CCDC92B: variants seen among roughly 807,000 people sequenced by gnomAD.
CCDC92B encodes coiled-coil domain-containing 92B.
In CCDC92B, 2 loss-of-function variants were observed where a neutral mutation model predicts 5.6. The observed-to-expected ratio is 0.36, with a 90% CI of 0.15 to 1.12. The LOEUF (loss-of-function observed/expected upper bound fraction) is 1.12, where lower values mean the gene tolerates loss of function less well. Ranked by LOEUF, CCDC92B falls within the 50% of genes most tolerant of loss-of-function variation. CCDC92B has a pLI of 0.40. For synonymous variants in CCDC92B, 115 were observed against 122.3 expected, an observed-to-expected ratio of 0.94 and a Z score of 0.39; for missense variants, 271 against 262.2, an observed-to-expected ratio of 1.03 and a Z score of -0.23.
chr17:2,748,524 G>A, intron 1 of CCDC92B: 2 of 980,186 alleles, frequency 2.0e-6, no homozygotes, highest in Non-Finnish European at 1.2e-6. Context: ...GTGTGTGTGT[G>A]TGTGTGTGTG....
At position 2,724,837 on chromosome 17, in the gene CCDC92B, C is replaced by T. The variant is rs1251916802; in HGVS notation, c.342G>A (p.Glu114=). 2 of 985,090 alleles carry T rather than the reference C, an allele frequency of 2.0e-6. No homozygotes were observed. The highest frequency in any genetic ancestry group is 4.7e-5 in the South Asian group (1 of 21,292). The allele number at this position is 985,090 out of a possible 1,614,324, so 61.0% of individuals were successfully genotyped here. A position where few individuals can be genotyped will look rare whatever the true frequency, so the allele number is the denominator to read the frequency against. Residue 114 remains glutamate, a synonymous_variant, in exon 4 of 4, where the codon GAG becomes GAA. Coordinates refer to ENST00000614400, the MANE Select transcript of CCDC92B (RefSeq NM_001355573.2). This position sits in a 1 kb window ranked among gnomAD's most constrained non-coding sequence, Gnocchi z 5.0. ...CGCGGTGGCTGCGGCGGCGCAGCTC[C>T]TCCAGGAAGCGGCGCTCCTCGGTGC... is the stretch of plus-strand genomic sequence containing the variant. ...SLRTEERRFL[E]ELRRRSHRAT...
rs2286515 is a variant in CCDC92B at position 2,721,613 on chromosome 17, G to A, written c.*2798C>T. 11,397 of 152,298 alleles carry A rather than the reference G, an allele frequency of 0.075. 603 individuals carry two copies. The highest frequency in any genetic ancestry group is 0.31 in the East Asian group (1,589 of 5,158). 9.4% of individuals were successfully genotyped at this position (152,298 alleles called of 1,614,324 possible). A position where few individuals can be genotyped will look rare whatever the true frequency, so the allele number is the denominator to read the frequency against. On this transcript the variant is annotated 3_prime_UTR_variant, in exon 4 of 4. Transcript: ENST00000614400. ...CGTTCTGCTGCACAGAGGGTTCTGT[G>A]CAGGCGGGTGGAGGGGTTTCCATTA...
Position 2,735,003 on chromosome 17 carries a change from C to G in CCDC92B, c.130+13G>C, listed in dbSNP as rs578035761. Reference sequence around the variant, plus strand: ...CCTCTCCCCACCCGTCCAGCCGCCTCTCCTGGCCTCACCTGAGCAGCGTTT... The same window carrying G: ...CCTCTCCCCACCCGTCCAGCCGCCTGTCCTGGCCTCACCTGAGCAGCGTTT... On this transcript the variant is annotated intron_variant, in intron 2 of 3. Coordinates refer to ENST00000614400, the MANE Select transcript of CCDC92B (RefSeq NM_001355573.2). The G allele has an allele frequency of 2.0e-6, 2 of 985,590 alleles. No homozygotes were observed. The highest frequency in any genetic ancestry group is 2.3e-4 in the East Asian group (2 of 8,818). The allele number at this position is 985,590 out of a possible 1,614,324, so 61.1% of individuals were successfully genotyped here.
At chr17:2,733,744 CTTTTTTTTTTTTTTT>C (rs386385447) in intron 2 of CCDC92B, among the ~76,000 whole-genome samples, 8 of 49,326 alleles carry the variant, frequency 1.6e-4, no homozygotes, top group South Asian at 1.2e-3. Flanking sequence ...GGACCACTGG[CTTTTTTTTTTTTTTT>C]TTTTTTTTTT....
At chr17:2,745,084 A>AG (rs2070970220) in intron 1 of CCDC92B, among the ~76,000 whole-genome samples, 1 of 150,548 alleles carries the variant, frequency 6.6e-6, no homozygotes, top group Non-Finnish European at 1.5e-5. Flanking sequence ...AAAAAAAAAA[A>AG]AAAAAAGATA....
At chr17:2,732,276 G>A (rs1371432967) in intron 2 of CCDC92B, among the ~76,000 whole-genome samples, 3 of 151,994 alleles carry the variant, frequency 2.0e-5, no homozygotes, top group Non-Finnish European at 2.9e-5. Context: ...TCTCCCAACC[G>A]CCTCCCAGCT....
intron 3 of CCDC92B, 137 bp from the exon 4 acceptor site, chr17:2,725,137 C>T: frequency 1.0e-6 from 1 of 982,652 alleles, no homozygotes; most frequent in Non-Finnish European, 1.2e-6. Context: ...CTTTGGGAGG[C>T]CGAGATGGGC....
Position 2,724,531 on chromosome 17 carries a change from T to A in CCDC92B, c.648A>T (p.Ala216=), listed in dbSNP as rs1301426010. 32 of 981,652 alleles carry A rather than the reference T, an allele frequency of 3.3e-5. No homozygotes were observed. Among genetic ancestry groups the A allele is most frequent in the Non-Finnish European group, 3.7e-5 (31 of 828,626 alleles). 60.8% of individuals were successfully genotyped at this position (981,652 alleles called of 1,614,324 possible). ...PMPDPALFLY[A]RRPLRPSARS... ...GGGCGCTGGGCCGCAGCGGCCTGCG[T>A]GCATAGAGGAAGAGCGCGGGGTCGG... Residue 216 remains alanine, a synonymous_variant, in exon 4 of 4, where the codon GCA becomes GCT. Transcript: ENST00000614400. The surrounding 1 kb of genome is among the most constrained non-coding windows in gnomAD (Gnocchi z 5.0).
chr17:2,725,822 C>G (rs1428617931), intron 3 of CCDC92B, among the ~76,000 whole-genome samples: 1 of 151,626 alleles, frequency 6.6e-6, no homozygotes, highest in Admixed American at 6.6e-5. Context: ...GAGCTAAGAT[C>G]TGAAGGATAA....
chr17:2,724,263 G>C lies in CCDC92B; in HGVS notation c.*148C>G. ...GGGAAGTACAAAAGGCTGGCGGTTC[G>C]GGGATTTGGGGGGAGCCGGGGCCGC... On this transcript the variant is annotated 3_prime_UTR_variant, in exon 4 of 4. Coordinates refer to ENST00000614400, the MANE Select transcript of CCDC92B (RefSeq NM_001355573.2). This position sits in a 1 kb window ranked among gnomAD's most constrained non-coding sequence, Gnocchi z 5.0. The C allele has an allele frequency of 2.0e-6, 2 of 985,376 alleles. No individual in the cohort carries two copies. Among genetic ancestry groups the C allele is most frequent in the Non-Finnish European group, 2.4e-6 (2 of 829,898 alleles). The allele number at this position is 985,376 out of a possible 1,614,324, so 61.0% of individuals were successfully genotyped here.
chr17:2,731,643 C>T (rs540441666), intron 2 of CCDC92B, among the ~76,000 whole-genome samples: 2 of 152,316 alleles, frequency 1.3e-5, no homozygotes, highest in East Asian at 3.9e-4. Context: ...TCTGAGGAGG[C>T]CGGTTGTTGC....
intron 1 of CCDC92B, among the ~76,000 whole-genome samples, chr17:2,747,062 C>T (rs75676474): frequency 0.023 from 3,464 of 152,200 alleles, 61 homozygotes; most frequent in East Asian, 0.093. Context: ...TTGTCTGCTC[C>T]AGGTCCCCTG....
Position 2,723,090 on chromosome 17 carries a change from G to C in CCDC92B, c.*1321C>G, listed in dbSNP as rs1020003956. 6.5e-6 allele frequency: 1 copy of C among 152,944 alleles called. No individual in the cohort carries two copies. The highest frequency in any genetic ancestry group is 1.5e-5 in the Non-Finnish European group (1 of 68,652). 9.5% of individuals were successfully genotyped at this position (152,944 alleles called of 1,614,324 possible). A position where few individuals can be genotyped will look rare whatever the true frequency, so the allele number is the denominator to read the frequency against. Reference sequence around the variant, plus strand: ...ATAGGTTTAGGGGCATCCGTGGAGGGGGCCAGGATGGGGACTAACCTGTGC... The same window carrying C: ...ATAGGTTTAGGGGCATCCGTGGAGGCGGCCAGGATGGGGACTAACCTGTGC... On this transcript the variant is annotated 3_prime_UTR_variant, in exon 4 of 4. Coordinates refer to ENST00000614400, the MANE Select transcript of CCDC92B (RefSeq NM_001355573.2).
chr17:2,745,804 C>T (rs1038052697), intron 1 of CCDC92B, among the ~76,000 whole-genome samples: 15 of 152,166 alleles, frequency 9.9e-5, no homozygotes, highest in South Asian at 2.1e-4. Context: ...TCTTTCCCCC[C>T]GACACAGCAC....
chr17:2,727,405 C>T (rs923020256), intron 3 of CCDC92B, among the ~76,000 whole-genome samples: 2 of 152,186 alleles, frequency 1.3e-5, no homozygotes, highest in African/African-American at 4.8e-5. Context: ...GTTGAGGACC[C>T]CTGCCTCCTG....
At position 2,723,863 on chromosome 17, in the gene CCDC92B, G is replaced by C; in HGVS notation, c.*548C>G. On this transcript the variant is annotated 3_prime_UTR_variant, in exon 4 of 4. Transcript: ENST00000614400. The stretch of plus-strand genomic sequence containing the variant: ...CTTCTAAAGTGTTCCGTGCTCACCT[G>C]CAAGGACCTATCGGCAGGGTCAGGG... 2.7e-6 allele frequency: 2 copies of C among 733,178 alleles called. No individual in the cohort carries two copies. The highest frequency in any genetic ancestry group is 6.1e-5 in the South Asian group (1 of 16,468). The allele number at this position is 733,178 out of a possible 1,614,324, so 45.4% of individuals were successfully genotyped here.
chr17:2,733,440 G>A (rs2070819827), intron 2 of CCDC92B, among the ~76,000 whole-genome samples: 2 of 151,814 alleles, frequency 1.3e-5, no homozygotes, highest in South Asian at 2.1e-4. Context: ...TGTATTTTTA[G>A]TAGAGACGGG....
intron 1 of CCDC92B, among the ~76,000 whole-genome samples, chr17:2,736,180 G>A (rs923086901): frequency 6.6e-6 from 1 of 152,066 alleles, no homozygotes; most frequent in Non-Finnish European, 1.5e-5. Context: ...AGTAATCCCA[G>A]CACTTTGGGA....
rs2070706581 is a variant in CCDC92B at position 2,724,836 on chromosome 17, C to G, written c.343G>C (p.Glu115Gln). Reference protein sequence around the residue: ...LRTEERRFLEELRRRSHRATV... With the variant: ...LRTEERRFLEQLRRRSHRATV... ...GCGCGGTGGCTGCGGCGGCGCAGCT[C>G]CTCCAGGAAGCGGCGCTCCTCGGTG... The change falls in exon 4 of 4, where the codon GAG becomes CAG. Residue 115 changes from glutamate (E) to glutamine (Q), a missense_variant. By Grantham distance (29) the Glu-to-Gln change is conservative. Transcript: ENST00000614400. The surrounding 1 kb of genome is among the most constrained non-coding windows in gnomAD (Gnocchi z 5.0). 14 of 985,102 alleles carry G rather than the reference C, an allele frequency of 1.4e-5. No homozygotes were observed. The highest frequency in any genetic ancestry group is 1.6e-5 in the Non-Finnish European group (13 of 829,814). 61.0% of individuals were successfully genotyped at this position (985,102 alleles called of 1,614,324 possible). A position where few individuals can be genotyped will look rare whatever the true frequency, so the allele number is the denominator to read the frequency against.
Sources: allele counts gnomAD v4.1 joint callset (sites outside exome capture counted in the v4.1 genomes callset), GRCh38; gene constraint gnomAD v4.1.1; non-coding constraint Gnocchi (gnomAD v3.1); transcripts MANE v1.5; gene names NCBI Gene and HGNC (gene_info 2026-07-23, HGNC 2026-07-21).